The following CHL1 variants were observed in gnomAD, a reference collection of about 807,000 sequenced individuals.
The protein encoded by CHL1 is neural cell adhesion molecule L1-like protein.
A neutral mutation model predicts 141.9 loss-of-function variants in CHL1; 96 were observed. The ratio of observed to expected loss-of-function variants is 0.68; its 90% confidence interval spans 0.57 to 0.80. The LOEUF (loss-of-function observed/expected upper bound fraction) is 0.80. CHL1 is among the 30% of genes least tolerant of loss of function. The pLI, the probability that CHL1 is intolerant of heterozygous loss-of-function variation, is 0.00. For missense variants in CHL1, 1,820 were observed against 1,457.2 expected (o/e 1.25, Z -4.05); for synonymous variants, 613 against 502.2 (o/e 1.22, Z -2.95).
chr3:362,052 C>G (rs1411396016), intron 13 of CHL1, among the ~76,000 whole-genome samples: 2 of 152,090 alleles, frequency 1.3e-5, no homozygotes, highest in Non-Finnish European at 2.9e-5. Flanking sequence ...TAAAGAAAAG[C>G]AGAGAATTGA....
At chr3:215,837 G>A (rs1470938830) in intron 1 of CHL1, among the ~76,000 whole-genome samples, 1 of 151,992 alleles carries the variant, frequency 6.6e-6, no homozygotes, top group Non-Finnish European at 1.5e-5. Context: ...AAGATACATT[G>A]TATCTTTTGA....
At chr3:379,539 C>T (rs545423259) in intron 16 of CHL1, among the ~76,000 whole-genome samples, 189 of 152,204 alleles carry the variant, frequency 1.2e-3, no homozygotes, top group African/African-American at 3.4e-3. Context: ...AGGCTCCGTG[C>T]GCTTTGTCCC....
chr3:203,831 C>G (rs1699171121), intron 1 of CHL1, among the ~76,000 whole-genome samples: 1 of 152,184 alleles, frequency 6.6e-6, no homozygotes, highest in Admixed American at 6.5e-5. Flanking sequence ...GAGGTCAGTT[C>G]TCCCAGAGCA....
In CHL1 at chr3:228,057, C is replaced by T. The variant is rs112504770; in HGVS notation, c.-174-16556C>T. Reference sequence around the variant, plus strand: ...TCATTTATTTTGGCATACAGCTTTTCGATAGAGGCAAACACTGCCTAATGG... The same window carrying T: ...TCATTTATTTTGGCATACAGCTTTTTGATAGAGGCAAACACTGCCTAATGG... On this transcript the variant is annotated intron_variant, in intron 1 of 27. Coordinates refer to ENST00000256509, the MANE Select transcript of CHL1 (RefSeq NM_006614.4). Among the ~76,000 whole-genome samples the T allele has an allele frequency of 4.2e-3, 640 of 152,180 alleles. 4 individuals are homozygous for T. Among genetic ancestry groups the T allele is most frequent in the African/African-American group, 0.014 (602 of 41,518 alleles).
At chr3:365,104 A>G (rs1158758705) in intron 14 of CHL1, among the ~76,000 whole-genome samples, 1 of 152,232 alleles carries the variant, frequency 6.6e-6, no homozygotes, top group Non-Finnish European at 1.5e-5. Flanking sequence ...AAAAATGTAC[A>G]TAGCCAATAT....
intron 15 of CHL1, among the ~76,000 whole-genome samples, chr3:371,491 A>C (rs1705626731): frequency 1.3e-5 from 2 of 152,074 alleles, no homozygotes; most frequent in South Asian, 4.1e-4. Flanking sequence ...TTTTGAATCT[A>C]TGTGTGTCTT....
At chr3:368,828 C>T (rs1026498101) in intron 15 of CHL1, among the ~76,000 whole-genome samples, 1 of 152,168 alleles carries the variant, frequency 6.6e-6, no homozygotes, top group African/African-American at 2.4e-5. Context: ...CCAGTTTTCC[C>T]AGCACCATTT....
At chr3:350,613 A>AAAAAAAAGG (rs386395726) in intron 10 of CHL1, among the ~76,000 whole-genome samples, 9 of 151,496 alleles carry the variant, frequency 5.9e-5, no homozygotes, top group African/African-American at 2.2e-4. Context: ...TTAATGGAAA[A>AAAAAAAAGG]AAAAAAGGAC....
chr3:226,330 G>A (rs1258485653), intron 1 of CHL1, among the ~76,000 whole-genome samples: 2 of 146,856 alleles, frequency 1.4e-5, no homozygotes, highest in South Asian at 4.2e-4. Flanking sequence ...ACCATGCCAG[G>A]CTGAAAATTC....
At chr3:317,800 G>A (rs952135422) in intron 2 of CHL1, among the ~76,000 whole-genome samples, 2 of 151,760 alleles carry the variant, frequency 1.3e-5, no homozygotes, top group Non-Finnish European at 2.9e-5. Context: ...AGTTAAGGCA[G>A]TATTTTGCTT....
intron 2 of CHL1, among the ~76,000 whole-genome samples, chr3:289,369 G>A (rs541611252): frequency 6.6e-6 from 1 of 152,286 alleles, no homozygotes; most frequent in South Asian, 2.1e-4. Context: ...ATTAAGATGA[G>A]TGATTTTATT....
At chr3:302,782 C>T (rs1307494506) in intron 2 of CHL1, among the ~76,000 whole-genome samples, 2 of 152,056 alleles carry the variant, frequency 1.3e-5, no homozygotes, top group African/African-American at 4.8e-5. Context: ...CTTTTGTTGC[C>T]ATTGCTTTTA....
intron 1 of CHL1, among the ~76,000 whole-genome samples, chr3:231,308 C>T (rs1201755716): frequency 6.6e-6 from 1 of 152,050 alleles, no homozygotes; most frequent in East Asian, 1.9e-4. Context: ...TCCTTCCTCT[C>T]CTCTCTTTTT....
intron 12 of CHL1, 132 bp from the exon 13 acceptor site, chr3:361,567 T>C (rs1704254618): frequency 1.6e-6 from 1 of 607,554 alleles, no homozygotes; most frequent in Admixed American, 2.7e-5. Context: ...GATACTTCTA[T>C]AATTCAAAAC....
At chr3:244,713 C>T (rs1692993494) in intron 2 of CHL1, 21 bp downstream of exon 2, 3 of 152,112 alleles carry the variant, frequency 2.0e-5, no homozygotes, top group African/African-American at 4.8e-5. Flanking sequence ...TTTCCTTAAT[C>T]AGTTGTTTTA....
At chr3:349,020 A>G (rs1200487983) in intron 9 of CHL1, among the ~76,000 whole-genome samples, 1 of 152,230 alleles carries the variant, frequency 6.6e-6, no homozygotes, top group East Asian at 1.9e-4. Flanking sequence ...CTTGGAAAAT[A>G]TCTTGGTAAT....
In CHL1 at chr3:222,493, C is replaced by T. The variant is rs73815903; in HGVS notation, c.-174-22120C>T. 9.4e-3 allele frequency among the ~76,000 whole-genome samples: 1,432 copies of T among 152,236 alleles called. 27 individuals are homozygous for T. The highest frequency in any genetic ancestry group is 0.033 in the African/African-American group (1,355 of 41,528). On this transcript the variant is annotated intron_variant, in intron 1 of 27. Coordinates refer to ENST00000256509, the MANE Select transcript of CHL1 (RefSeq NM_006614.4). ...AATCAAACCCAAACACTTATATAAC[C>T]TCCTTTCAGAAGAGCGGGGGTAGAT...
intron 23 of CHL1, 140 bp from the exon 24 acceptor site, chr3:394,553 C>T (rs1396112398): frequency 3.1e-6 from 2 of 642,424 alleles, no homozygotes; most frequent in Non-Finnish European, 5.4e-6. Context: ...GTATGTACCT[C>T]ATAGGATTAA....
chr3:285,987 A>T (rs551197037), intron 2 of CHL1, among the ~76,000 whole-genome samples: 2 of 152,256 alleles, frequency 1.3e-5, no homozygotes, highest in South Asian at 4.1e-4. Flanking sequence ...CACTTTCAAG[A>T]TTGAACATAA....
Sources: allele counts gnomAD v4.1 joint callset (sites outside exome capture counted in the v4.1 genomes callset), GRCh38; gene constraint gnomAD v4.1.1; transcripts MANE v1.5; gene names NCBI Gene and HGNC (gene_info 2026-07-23, HGNC 2026-07-21).